The following CHRM3 variants were observed in gnomAD, a reference collection of about 807,000 sequenced individuals.
The protein encoded by CHRM3 is muscarinic acetylcholine receptor M3.
CHRM3 carries 11 observed loss-of-function variants against 41.8 expected under a neutral mutation model. The ratio of observed to expected loss-of-function variants is 0.26; its 90% CI spans 0.17 to 0.44. The LOEUF (loss-of-function observed/expected upper bound fraction) is 0.44. Ranked by LOEUF, CHRM3 falls within the 20% of genes least tolerant of loss-of-function variation. CHRM3 has a pLI of 1.00. For missense variants in CHRM3, 571 were observed against 745.4 expected (o/e 0.77, Z 2.72); for synonymous variants, 297 against 301.4 (o/e 0.99, Z 0.15).
chr1:239,414,487 C>T (rs1287737324), intron 1 of CHRM3, among the ~76,000 whole-genome samples: 1 of 152,198 alleles, frequency 6.6e-6, no homozygotes, highest in African/African-American at 2.4e-5. Flanking sequence ...TTTGTCTGCG[C>T]TGTGTGACAT....
intron 1 of CHRM3, among the ~76,000 whole-genome samples, chr1:239,484,380 G>C: frequency 6.6e-6 from 1 of 152,144 alleles, no homozygotes; most frequent in East Asian, 1.9e-4. Flanking sequence ...AGGGGACGGT[G>C]ATAAGCCATT....
At position 239,678,207 on chromosome 1, in the gene CHRM3, T is replaced by C. The variant is rs149995198; in HGVS notation, c.-228T>C. 1 of 152,368 alleles carries C rather than the reference T, an allele frequency of 6.6e-6. No homozygotes were observed. The allele number at this position is 152,368 out of a possible 1,614,324, so 9.4% of individuals were successfully genotyped here. On this transcript the variant is annotated 5_prime_UTR_variant, in exon 5 of 7. Coordinates refer to ENST00000676153, the MANE Select transcript of CHRM3 (RefSeq NM_001375978.1). ...TTAGGTTTTGCTGTGGCGTGGCACC[T>C]GGTCTCTTTCTAGAAGGAAAGTTCA... is the stretch of plus-strand genomic sequence containing the variant.
At chr1:239,501,299 T>C (rs1453800589) in intron 2 of CHRM3, among the ~76,000 whole-genome samples, 1 of 152,164 alleles carries the variant, frequency 6.6e-6, no homozygotes, top group African/African-American at 2.4e-5. Context: ...ATACAGAACA[T>C]TTTATCCAAC....
intron 6 of CHRM3, among the ~76,000 whole-genome samples, chr1:239,866,702 T>C (rs566449122): frequency 7.4e-4 from 112 of 152,352 alleles, no homozygotes; most frequent in African/African-American, 2.1e-3. Flanking sequence ...TATTCCTTTA[T>C]TCATTCAGCC....
intron 6 of CHRM3, among the ~76,000 whole-genome samples, chr1:239,864,179 G>A (rs533524645): frequency 4.6e-5 from 7 of 151,802 alleles, no homozygotes; most frequent in African/African-American, 1.2e-4. Flanking sequence ...GCAACATAGC[G>A]AGACCCTGCC....
intron 3 of CHRM3, among the ~76,000 whole-genome samples, chr1:239,597,484 G>T (rs184305208): frequency 1.1e-3 from 170 of 151,044 alleles, no homozygotes; most frequent in Non-Finnish European, 1.8e-3. Flanking sequence ...TGATCTTGTA[G>T]ATTTTTTTAT....
intron 5 of CHRM3, among the ~76,000 whole-genome samples, chr1:239,774,577 A>G (rs1044068583): frequency 1.3e-5 from 2 of 152,220 alleles, no homozygotes; most frequent in South Asian, 2.1e-4. Context: ...TTGCTCATCA[A>G]CAATGACACA....
At chr1:239,771,780 G>A (rs537262570) in intron 5 of CHRM3, among the ~76,000 whole-genome samples, 4 of 152,330 alleles carry the variant, frequency 2.6e-5, no homozygotes, top group Admixed American at 2.6e-4. Context: ...CAGACAGCAT[G>A]CCACATTTGG....
At chr1:239,615,945 T>A (rs1667580878) in intron 3 of CHRM3, among the ~76,000 whole-genome samples, 1 of 152,234 alleles carries the variant, frequency 6.6e-6, no homozygotes, top group Non-Finnish European at 1.5e-5. Flanking sequence ...AGCGCCTTCC[T>A]TCTACTTCTT....
chr1:239,420,817 A>G (rs893966422), intron 1 of CHRM3, among the ~76,000 whole-genome samples: 5 of 152,206 alleles, frequency 3.3e-5, no homozygotes, highest in African/African-American at 1.2e-4. Flanking sequence ...GAAAGAAAAG[A>G]AAATGAAACT....
intron 1 of CHRM3, among the ~76,000 whole-genome samples, chr1:239,439,047 A>C (rs2103236228): frequency 6.6e-6 from 1 of 152,308 alleles, no homozygotes; most frequent in African/African-American, 2.4e-5. Context: ...CCAATTTCTT[A>C]AATAGTTGCA....
At chr1:239,675,763 G>A (rs939544121) in intron 4 of CHRM3, among the ~76,000 whole-genome samples, 2 of 152,146 alleles carry the variant, frequency 1.3e-5, no homozygotes, top group Non-Finnish European at 2.9e-5. Flanking sequence ...TTTGGGGGCT[G>A]CCAAAAGATT....
intron 1 of CHRM3, among the ~76,000 whole-genome samples, chr1:239,404,378 A>AAG (rs1381939575): frequency 2.7e-5 from 2 of 73,790 alleles, no homozygotes; most frequent in African/African-American, 1.1e-4. Flanking sequence ...GAAAGAAAGA[A>AAG]AGAAAGAAAG....
At chr1:239,642,486 A>T (rs1178520578) in intron 4 of CHRM3, among the ~76,000 whole-genome samples, 1 of 151,766 alleles carries the variant, frequency 6.6e-6, no homozygotes, top group African/African-American at 2.4e-5. Flanking sequence ...TTTTTATCTA[A>T]ACTTCCCTTC....
At chr1:239,485,639 A>G (rs1667140468) in intron 1 of CHRM3, among the ~76,000 whole-genome samples, 1 of 152,166 alleles carries the variant, frequency 6.6e-6, no homozygotes, top group African/African-American at 2.4e-5. Context: ...CTGATCTTAA[A>G]GATTGCCTCC....
chr1:239,662,105 ATGTGTGTGTGTGTGTG>A (rs57202092), intron 4 of CHRM3, among the ~76,000 whole-genome samples: 31 of 144,832 alleles, frequency 2.1e-4, no homozygotes, highest in South Asian at 8.9e-4. Context: ...TCAGTTTTAG[ATGTGTGTGTGTGTGTG>A]TGTGTGTGTG....
chr1:239,412,798 T>C (rs2103054178), intron 1 of CHRM3, among the ~76,000 whole-genome samples: 1 of 152,174 alleles, frequency 6.6e-6, no homozygotes, highest in East Asian at 1.9e-4. Context: ...TTATTAATGG[T>C]CCACCAGAAC....
At chr1:239,644,681 T>C (rs1220226714) in intron 4 of CHRM3, among the ~76,000 whole-genome samples, 1 of 152,168 alleles carries the variant, frequency 6.6e-6, no homozygotes, top group Admixed American at 6.5e-5. Flanking sequence ...GTGGACTCTT[T>C]GACACTGTGC....
chr1:239,601,719 G>C (rs1665560871), intron 3 of CHRM3, among the ~76,000 whole-genome samples: 1 of 152,140 alleles, frequency 6.6e-6, no homozygotes. Context: ...TCAACAAACG[G>C]ATAAATGGTG....
Sources: gnomAD v4.1 joint callset for allele counts (sites outside exome capture counted in the v4.1 genomes callset) on GRCh38, gnomAD v4.1.1 for gene constraint, MANE v1.5 for transcripts, NCBI Gene and HGNC (gene_info 2026-07-23, HGNC 2026-07-21) for gene names.